The following BCAS3 variants were observed in gnomAD, a reference collection of about 807,000 sequenced individuals.
BCAS3 encodes the protein BCAS4/BCAS3 fusion.
Under a neutral mutation model 116.1 loss-of-function variants are expected in BCAS3, and 53 were observed. The ratio of observed to expected loss-of-function variants is 0.46; its 90% CI spans 0.37 to 0.57. The LOEUF (loss-of-function observed/expected upper bound fraction) is 0.57, where lower values mean the gene tolerates loss of function less well. Among genes scored for constraint, BCAS3 ranks in the 20% least tolerant of loss-of-function variants. The pLI is 0.00. For missense variants in BCAS3, 917 were observed against 1,165.4 expected (o/e 0.79, Z 3.10); for synonymous variants, 391 against 408.2 (o/e 0.96, Z 0.51).
intron 5 of BCAS3, among the ~76,000 whole-genome samples, chr17:60,730,012 T>A (rs1419547030): frequency 6.6e-6 from 1 of 152,216 alleles, no homozygotes; most frequent in Non-Finnish European, 1.5e-5. Flanking sequence ...ACTACCAAAG[T>A]GTTAGTTGCA....
chr17:60,797,358 TTTTATTTA>T (rs550694588), intron 6 of BCAS3, among the ~76,000 whole-genome samples: 46 of 151,846 alleles, frequency 3.0e-4, no homozygotes, highest in African/African-American at 8.4e-4. Flanking sequence ...TTATTTTTAC[TTTTATTTA>T]TTTATTTATT....
chr17:60,754,095 G>A (rs1648100052), intron 6 of BCAS3, among the ~76,000 whole-genome samples: 1 of 151,998 alleles, frequency 6.6e-6, no homozygotes, highest in South Asian at 2.1e-4. Flanking sequence ...GAGTGCAGTG[G>A]CACAATCATG....
intron 22 of BCAS3, among the ~76,000 whole-genome samples, chr17:61,260,217 A>T (rs1356227847): frequency 2.0e-5 from 3 of 152,228 alleles, no homozygotes; most frequent in African/African-American, 7.2e-5. Flanking sequence ...CTTACCAGAA[A>T]TTCCCAGGAC....
chr17:61,295,294 C>G (rs2052785668), intron 22 of BCAS3, among the ~76,000 whole-genome samples: 1 of 152,210 alleles, frequency 6.6e-6, no homozygotes, highest in South Asian at 2.1e-4. Context: ...ACTTTATTCT[C>G]AAGAGAAGTG....
At chr17:61,040,746 C>G in intron 18 of BCAS3, 46 bp from the exon 19 acceptor site, 1 of 1,452,836 alleles carries the variant, frequency 6.9e-7, no homozygotes. Flanking sequence ...GATTTACATC[C>G]CATCTATTAA....
rs725004 is a variant in BCAS3, at chr17:60,877,249, A to G, written c.661+2511A>G. On this transcript the variant is annotated intron_variant, in intron 9 of 23. Transcript: ENST00000407086. ...GAATGAAATTTCTATCTTACAAGTCACATTGGGGTAAATCCAGAAATTTTG... is the reference window on the plus strand; with the variant it reads ...GAATGAAATTTCTATCTTACAAGTCGCATTGGGGTAAATCCAGAAATTTTG... Among the ~76,000 whole-genome samples the G allele has an allele frequency of 5.3e-3, 799 of 152,152 alleles. 11 individuals are homozygous for G. The highest frequency in any genetic ancestry group is 0.031 in the Admixed American group (480 of 15,270).
At chr17:60,822,107 C>T (rs1474354513) in intron 7 of BCAS3, among the ~76,000 whole-genome samples, 1 of 152,088 alleles carries the variant, frequency 6.6e-6, no homozygotes, top group Non-Finnish European at 1.5e-5. Flanking sequence ...TACATATTTC[C>T]TTTTCTCTTG....
Position 61,309,022 on chromosome 17 carries a change from A to G in BCAS3, c.2426-59305A>G, listed in dbSNP as rs1018199366. Among the ~76,000 whole-genome samples the G allele has an allele frequency of 3.3e-5, 5 of 152,134 alleles. No homozygotes were observed. The highest frequency in any genetic ancestry group is 1.2e-4 in the African/African-American group (5 of 41,422). ...GTGGCCTCCCCCAGCAGAGGCTTTG[A>G]GGACCTATCTGTCCCCTCCTCTGAG... is the stretch of plus-strand genomic sequence containing the variant. On this transcript the variant is annotated intron_variant, in intron 22 of 23. Transcript: ENST00000407086. This position sits in a 1 kb window ranked among gnomAD's most constrained non-coding sequence, Gnocchi z 4.6.
chr17:60,875,034 C>G (rs1215671490), intron 9 of BCAS3, among the ~76,000 whole-genome samples: 1 of 152,198 alleles, frequency 6.6e-6, no homozygotes, highest in East Asian at 1.9e-4. Flanking sequence ...TTCATACTTT[C>G]AAAGCAGTTG....
intron 23 of BCAS3, among the ~76,000 whole-genome samples, chr17:61,375,218 T>TTGTGTGTGTG (rs59961930): frequency 0.1 from 14,664 of 142,606 alleles, 797 homozygotes; most frequent in South Asian, 0.14. Context: ...AAAGCACTAT[T>TTGTGTGTGTG]TGTGTGTGTG....
Position 61,049,819 on chromosome 17 carries a change from G to C in BCAS3, c.2029+8927G>C, listed in dbSNP as rs139526109. On this transcript the variant is annotated intron_variant, in intron 19 of 23. Transcript: ENST00000407086. The stretch of plus-strand genomic sequence containing the variant: ...GTGATCTCAGCTCACTGCAGCCTCT[G>C]TCTCCTGGGTTCAAGTGATTCTTCT... Among the ~76,000 whole-genome samples the C allele has an allele frequency of 5.1e-3, 734 of 144,080 alleles. 5 individuals are homozygous for C. The highest frequency in any genetic ancestry group is 0.017 in the African/African-American group (665 of 38,430). The allele number at this position is 144,080 out of a possible 152,430, so 94.5% of individuals were successfully genotyped here.
intron 22 of BCAS3, among the ~76,000 whole-genome samples, chr17:61,103,537 TA>T (rs2143679481): frequency 6.6e-6 from 1 of 152,326 alleles, no homozygotes; most frequent in Non-Finnish European, 1.5e-5. Context: ...TAACTTTAGT[TA>T]TATTTGTTTT....
At chr17:61,080,936 G>A (rs1044032256) in intron 21 of BCAS3, among the ~76,000 whole-genome samples, 1 of 151,344 alleles carries the variant, frequency 6.6e-6, no homozygotes, top group Non-Finnish European at 1.5e-5. Context: ...GACATTTTTT[G>A]ACCAAGATGT....
Position 61,045,970 on chromosome 17 carries a change from ATATATAT to A in BCAS3, c.2029+5086_2029+5092del, listed in dbSNP as rs1281434289. Reference sequence around the variant, plus strand: ...ATATATATAAATATATATATAATATATATATATTATATATATATTTATATATATATAA... The same window carrying A: ...ATATATATAAATATATATATAATATATATATATATATTTATATATATATAA... On this transcript the variant is annotated intron_variant, in intron 19 of 23. Transcript: ENST00000407086. Among the ~76,000 whole-genome samples, 34 of 10,726 alleles carry A rather than the reference ATATATAT, an allele frequency of 3.2e-3. 6 individuals are homozygous for A. Among genetic ancestry groups the A allele is most frequent in the African/African-American group, 0.029 (31 of 1,074 alleles). The allele number at this position is 10,726 out of a possible 152,430, so 7.0% of individuals were successfully genotyped here. A position where few individuals can be genotyped will look rare whatever the true frequency, so the allele number is the denominator to read the frequency against.
chr17:61,263,118 A>T (rs904977233), intron 22 of BCAS3, among the ~76,000 whole-genome samples: 3 of 152,244 alleles, frequency 2.0e-5, no homozygotes, highest in African/African-American at 7.2e-5. Flanking sequence ...AATGGCACAC[A>T]CAGAAGTGTT....
rs72844910 is a variant in BCAS3, at chr17:61,092,722, G to C, written c.2425+8158G>C. The stretch of plus-strand genomic sequence containing the variant: ...ATATGTTGTCTTTATTGAATACCAA[G>C]TGTTCTTTAAATATTCTGGATATGG... On this transcript the variant is annotated intron_variant, in intron 22 of 23. Transcript: ENST00000407086. Among the ~76,000 whole-genome samples the C allele has an allele frequency of 3.0e-3, 456 of 152,192 alleles. 1 individual carries two copies. Among genetic ancestry groups the C allele is most frequent in the Non-Finnish European group, 4.7e-3 (323 of 68,014 alleles).
At chr17:60,863,714 G>A (rs918877754) in intron 7 of BCAS3, among the ~76,000 whole-genome samples, 1 of 152,056 alleles carries the variant, frequency 6.6e-6, no homozygotes, top group Non-Finnish European at 1.5e-5. Context: ...CATTTCAGGT[G>A]ACAGAGTGAG....
At position 61,258,823 on chromosome 17, in the gene BCAS3, A is replaced by G. The variant is rs539698653; in HGVS notation, c.2426-109504A>G. 8.3e-4 allele frequency among the ~76,000 whole-genome samples: 127 copies of G among 152,346 alleles called. No individual in the cohort carries two copies. The highest frequency in any genetic ancestry group is 3.0e-3 in the African/African-American group (124 of 41,580). On this transcript the variant is annotated intron_variant, in intron 22 of 23. Transcript: ENST00000407086. This position sits in a 1 kb window ranked among gnomAD's most constrained non-coding sequence, Gnocchi z 4.7. ...ACTAGCTAAATATTGACAACTGACT[A>G]TGCCGTCTTATTCCAGCATATGGAT... is the stretch of plus-strand genomic sequence containing the variant.
intron 5 of BCAS3, among the ~76,000 whole-genome samples, chr17:60,716,139 G>A (rs888281822): frequency 3.3e-5 from 5 of 152,218 alleles, no homozygotes; most frequent in Admixed American, 6.5e-5. Context: ...GGGATTACAG[G>A]CGTGAGCCAC....
Sources: gnomAD v4.1 joint callset for allele counts (sites outside exome capture counted in the v4.1 genomes callset) on GRCh38, gnomAD v4.1.1 for gene constraint, Gnocchi (gnomAD v3.1) non-coding constraint, MANE v1.5 for transcripts, NCBI Gene and HGNC (gene_info 2026-07-23, HGNC 2026-07-21) for gene names.